The following SUMF1 variants were observed in gnomAD, a reference collection of about 807,000 sequenced individuals.
SUMF1 encodes the protein sulfatase modifying factor 1, also known as formylglycine-generating enzyme.
A neutral mutation model predicts 47.6 loss-of-function variants in SUMF1; 48 were observed. The observed-to-expected ratio is 1.01, with a 90% CI of 0.80 to 1.28. The LOEUF (loss-of-function observed/expected upper bound fraction) is 1.28, where lower values mean the gene tolerates loss of function less well. Ranked by LOEUF, SUMF1 falls within the 50% of genes most tolerant of loss-of-function variation. The pLI is 0.00. For missense variants in SUMF1, 571 were observed against 485.4 expected (o/e 1.18, Z -1.66); for synonymous variants, 230 against 192.1 (o/e 1.20, Z -1.63).
intron 8 of SUMF1, among the ~76,000 whole-genome samples, chr3:4,277,544 G>C (rs1214002900): frequency 6.6e-6 from 1 of 152,062 alleles, no homozygotes; most frequent in Non-Finnish European, 1.5e-5. Flanking sequence ...AGACAGGAAA[G>C]ACAGGGATGC....
At chr3:4,207,611 C>A (rs1413881162) in intron 8 of SUMF1, among the ~76,000 whole-genome samples, 1 of 152,138 alleles carries the variant, frequency 6.6e-6, no homozygotes, top group Non-Finnish European at 1.5e-5. Flanking sequence ...ATTACACTAA[C>A]TGATTTTGGG....
At chr3:4,337,024 C>T (rs17040385) in intron 8 of SUMF1, among the ~76,000 whole-genome samples, 28,034 of 152,146 alleles carry the variant, frequency 0.18, 2,689 homozygotes, top group Middle Eastern at 0.25. Context: ...CCCTTGCCTT[C>T]TTTGCAAAAC....
chr3:4,319,332 A>T (rs188387747), intron 8 of SUMF1, among the ~76,000 whole-genome samples: 1 of 152,206 alleles, frequency 6.6e-6, no homozygotes, highest in East Asian at 1.9e-4. Flanking sequence ...TGTTGCCATG[A>T]AAGAAGTATT....
chr3:4,157,782 A>C (rs1694488761), intron 8 of SUMF1, among the ~76,000 whole-genome samples: 1 of 151,556 alleles, frequency 6.6e-6, no homozygotes, highest in Non-Finnish European at 1.5e-5. Flanking sequence ...TCTATTAGTA[A>C]TTACTTTTAT....
At chr3:4,269,616 G>A (rs952621333) in intron 8 of SUMF1, among the ~76,000 whole-genome samples, 5 of 152,110 alleles carry the variant, frequency 3.3e-5, no homozygotes, top group African/African-American at 9.7e-5. Context: ...GACCAGAAGC[G>A]GGGGAAAGAA....
At chr3:4,423,062 C>T (rs1701955218) in intron 3 of SUMF1, among the ~76,000 whole-genome samples, 1 of 152,108 alleles carries the variant, frequency 6.6e-6, no homozygotes, top group Admixed American at 6.6e-5. Context: ...AGTTACTTCA[C>T]TTAGAATAAT....
chr3:4,362,635 A>T (rs905514280), intron 8 of SUMF1, among the ~76,000 whole-genome samples: 2 of 152,208 alleles, frequency 1.3e-5, no homozygotes, highest in African/African-American at 4.8e-5. Flanking sequence ...TAAAATGTTA[A>T]ATGAGGCCAG....
At chr3:4,200,819 A>G (rs554846761) in intron 8 of SUMF1, among the ~76,000 whole-genome samples, 5 of 152,136 alleles carry the variant, frequency 3.3e-5, no homozygotes, top group Non-Finnish European at 7.4e-5. Flanking sequence ...TTTCTGCTGA[A>G]TTACCTTTCA....
chr3:4,132,629 C>A (rs190754587), intron 8 of SUMF1, among the ~76,000 whole-genome samples: 2 of 152,048 alleles, frequency 1.3e-5, no homozygotes, highest in African/African-American at 2.4e-5. Context: ...CTGGCCTAGA[C>A]GTCTTAGTTC....
intron 8 of SUMF1, among the ~76,000 whole-genome samples, chr3:4,363,397 A>G (rs1233058366): frequency 6.6e-6 from 1 of 151,850 alleles, no homozygotes; most frequent in East Asian, 1.9e-4. Flanking sequence ...CTTTTATTTC[A>G]TTGAGCAGTG....
intron 7 of SUMF1, among the ~76,000 whole-genome samples, chr3:4,403,013 A>C (rs1701263437): frequency 6.6e-6 from 1 of 152,202 alleles, no homozygotes; most frequent in African/African-American, 2.4e-5. Context: ...ACTCACAGTA[A>C]CAGTAGGCGT....
intron 8 of SUMF1, among the ~76,000 whole-genome samples, chr3:4,347,756 G>T (rs555197182): frequency 2.0e-5 from 3 of 152,240 alleles, no homozygotes; most frequent in African/African-American, 7.2e-5. Context: ...CTGTTTGCAG[G>T]TGACATGATT....
Position 4,457,094 on chromosome 3 carries a change from ATTTT to A in SUMF1, c.271-4049_271-4046del, listed in dbSNP as rs1294538155. On this transcript the variant is annotated intron_variant, in intron 1 of 8. Transcript: ENST00000272902. ...TATATACGTGTGTGTATATATATAT[ATTTT>A]TTTTGTTTTGTTTTGTTTTTTTTAG... 2.5e-3 allele frequency among the ~76,000 whole-genome samples: 341 copies of A among 137,604 alleles called. 3 individuals are homozygous for A. The highest frequency in any genetic ancestry group is 9.1e-3 in the African/African-American group (321 of 35,166). The allele number at this position is 137,604 out of a possible 152,430, so 90.3% of individuals were successfully genotyped here.
At chr3:4,299,117 T>C (rs1697914301) in intron 8 of SUMF1, among the ~76,000 whole-genome samples, 1 of 152,232 alleles carries the variant, frequency 6.6e-6, no homozygotes, top group Non-Finnish European at 1.5e-5. Flanking sequence ...GAAGGATAGG[T>C]ACACAACTAT....
chr3:4,137,001 G>C (rs1249341799), intron 8 of SUMF1, among the ~76,000 whole-genome samples: 1 of 152,068 alleles, frequency 6.6e-6, no homozygotes, highest in Non-Finnish European at 1.5e-5. Context: ...TGGAGAAATA[G>C]GAACACTTTT....
At chr3:4,377,064 G>A (rs548530561) in intron 7 of SUMF1, among the ~76,000 whole-genome samples, 95 of 152,234 alleles carry the variant, frequency 6.2e-4, no homozygotes, top group African/African-American at 2.3e-3. Flanking sequence ...GCCTCCCAAA[G>A]TGCTGGGATT....
intron 8 of SUMF1, among the ~76,000 whole-genome samples, chr3:4,225,669 G>C (rs1478440900): frequency 6.6e-6 from 1 of 152,144 alleles, no homozygotes; most frequent in African/African-American, 2.4e-5. Context: ...CCACGTCTCA[G>C]TGACCTGAAT....
At chr3:4,378,156 C>T (rs1433411624) in intron 7 of SUMF1, among the ~76,000 whole-genome samples, 2 of 152,186 alleles carry the variant, frequency 1.3e-5, no homozygotes, top group Non-Finnish European at 2.9e-5. Context: ...ACCTACCCAA[C>T]ATCACAGCTT....
chr3:4,305,317 C>G (rs1453521889), intron 8 of SUMF1, among the ~76,000 whole-genome samples: 1 of 152,130 alleles, frequency 6.6e-6, no homozygotes, highest in Non-Finnish European at 1.5e-5. Context: ...AACTCCTGAC[C>G]TCAAGTGATC....
Sources: allele counts gnomAD v4.1 joint callset (sites outside exome capture counted in the v4.1 genomes callset), GRCh38; gene constraint gnomAD v4.1.1; transcripts MANE v1.5; gene names NCBI Gene and HGNC (gene_info 2026-07-23, HGNC 2026-07-21).